KAZN: variants seen among roughly 807,000 people sequenced by gnomAD.
The protein encoded by KAZN is kazrin, periplakin interacting protein, also known as kazrin.
KAZN carries 40 observed loss-of-function variants against 87.4 expected under a neutral mutation model. The observed-to-expected ratio is 0.46, with a 90% CI of 0.36 to 0.60. The LOEUF (loss-of-function observed/expected upper bound fraction) is 0.60. KAZN is among the 20% of genes least tolerant of loss of function. The pLI, the probability that KAZN is intolerant of heterozygous loss-of-function variation, is 0.00. For synonymous variants in KAZN, 466 were observed against 458.3 expected (o/e 1.02, Z -0.22); for missense variants, 898 against 1,073.9 (o/e 0.84, Z 2.29).
chr1:14,538,210 A>G (rs1409769722), intron 2 of KAZN, among the ~76,000 whole-genome samples: 1 of 152,212 alleles, frequency 6.6e-6, no homozygotes, highest in African/African-American at 2.4e-5. Context: ...TATATTAGAC[A>G]AATTACTTTT....
intron 2 of KAZN, among the ~76,000 whole-genome samples, chr1:14,419,923 A>G (rs543833025): frequency 2.6e-5 from 4 of 152,128 alleles, no homozygotes; most frequent in Admixed American, 2.0e-4. Context: ...TATTGCAAAG[A>G]GCGAAAGAAC....
At chr1:14,484,917 C>T (rs1418285070) in intron 2 of KAZN, among the ~76,000 whole-genome samples, 1 of 152,198 alleles carries the variant, frequency 6.6e-6, no homozygotes, top group African/African-American at 2.4e-5. Flanking sequence ...CATGTCTGCT[C>T]TCATAGCCTC....
chr1:14,578,099 G>A (rs982128699), intron 2 of KAZN, among the ~76,000 whole-genome samples: 4 of 152,038 alleles, frequency 2.6e-5, no homozygotes, highest in Admixed American at 6.5e-5. Context: ...GAGCTCCTTC[G>A]GATTGGACGC....
rs948619488 is a variant in KAZN, at chr1:14,599,667, G to A, written c.226+444G>A. Among the ~76,000 whole-genome samples, 3 of 152,210 alleles carry A rather than the reference G, an allele frequency of 2.0e-5. No individual in the cohort carries two copies. Among genetic ancestry groups the A allele is most frequent in the Non-Finnish European group, 2.9e-5 (2 of 68,038 alleles). On this transcript the variant is annotated intron_variant, in intron 1 of 14. Coordinates refer to ENST00000376030, the MANE Select transcript of KAZN (RefSeq NM_201628.3). The surrounding 1 kb of genome is among the most constrained non-coding windows in gnomAD (Gnocchi z 4.4). The stretch of plus-strand genomic sequence containing the variant: ...CTCTGCCGCCGTGGTTGGGATAGAG[G>A]ATTGCACTGCTGTGCACTTTTCTCC...
chr1:14,399,513 G>A (rs1301446268), intron 2 of KAZN, among the ~76,000 whole-genome samples: 1 of 152,006 alleles, frequency 6.6e-6, no homozygotes, highest in Non-Finnish European at 1.5e-5. Context: ...GACTCTCTCA[G>A]TAACAGGCAA....
At chr1:14,574,832 G>A (rs1345654859) in intron 2 of KAZN, among the ~76,000 whole-genome samples, 2 of 152,170 alleles carry the variant, frequency 1.3e-5, no homozygotes, top group Non-Finnish European at 2.9e-5. Flanking sequence ...CATAGAGGAA[G>A]TGTGGTGGTG....
At chr1:14,534,019 G>C (rs1268889333) in intron 2 of KAZN, among the ~76,000 whole-genome samples, 2 of 152,092 alleles carry the variant, frequency 1.3e-5, no homozygotes, top group East Asian at 3.8e-4. Flanking sequence ...ATTTCTTTAT[G>C]AGTTTTCCTT....
Position 14,371,009 on chromosome 1 carries a change from A to G in KAZN, c.249+190417A>G, listed in dbSNP as rs186629177. Among the ~76,000 whole-genome samples the G allele has an allele frequency of 1.7e-3, 252 of 152,300 alleles. 3 individuals carry two copies. The Middle Eastern group carries it at 0.017, about 10-fold the overall frequency. On this transcript the variant is annotated intron_variant, in intron 2 of 16. Coordinates refer to the KAZN transcript ENST00000636203. ...CCCCAGCTCGTATCTTCTATAAGAC[A>G]TAATGGACACTATTGAACCAGGGGT... is the stretch of plus-strand genomic sequence containing the variant.
chr1:14,818,284 G>A (rs1646632742), intron 1 of KAZN, among the ~76,000 whole-genome samples: 1 of 152,206 alleles, frequency 6.6e-6, no homozygotes, highest in South Asian at 2.1e-4. Context: ...TGTATTGCGA[G>A]TGTATATCCA....
intron 1 of KAZN, among the ~76,000 whole-genome samples, chr1:14,037,580 C>T (rs72859440): frequency 0.048 from 7,335 of 152,228 alleles, 567 homozygotes; most frequent in African/African-American, 0.17. Flanking sequence ...GTGTGGCTTG[C>T]GGGGAGAAAG....
intron 1 of KAZN, among the ~76,000 whole-genome samples, chr1:14,644,332 G>A (rs1008859148): frequency 6.7e-6 from 1 of 149,738 alleles, no homozygotes; most frequent in African/African-American, 2.5e-5. Context: ...TAATAGAATT[G>A]TCTGTTTTTC....
At chr1:14,038,039 C>T (rs1641635540) in intron 1 of KAZN, among the ~76,000 whole-genome samples, 1 of 152,174 alleles carries the variant, frequency 6.6e-6, no homozygotes, top group African/African-American at 2.4e-5. Context: ...ATCTGTCCAC[C>T]CATCTATTCA....
chr1:14,065,477 T>C (rs1181687432), intron 1 of KAZN, among the ~76,000 whole-genome samples: 1 of 152,076 alleles, frequency 6.6e-6, no homozygotes, highest in East Asian at 1.9e-4. Flanking sequence ...ATAATTTGAA[T>C]CTTTTGTTTT....
At chr1:14,630,937 T>C (rs1296945251) in intron 1 of KAZN, among the ~76,000 whole-genome samples, 1 of 152,154 alleles carries the variant, frequency 6.6e-6, no homozygotes, top group Non-Finnish European at 1.5e-5. Context: ...ACAATAAAAG[T>C]AAAAATCAAT....
intron 1 of KAZN, among the ~76,000 whole-genome samples, chr1:14,873,294 A>T (rs1441149680): frequency 6.6e-6 from 1 of 152,262 alleles, no homozygotes; most frequent in Non-Finnish European, 1.5e-5. Flanking sequence ...GAAAGACTGT[A>T]TTCTAAAGGG....
At chr1:14,530,070 C>T (rs1324304695) in intron 2 of KAZN, among the ~76,000 whole-genome samples, 1 of 152,158 alleles carries the variant, frequency 6.6e-6, no homozygotes, top group Non-Finnish European at 1.5e-5. Flanking sequence ...TCTGGAGCAC[C>T]TAATACTGGA....
At chr1:15,033,852 C>T (rs1573122635) in intron 2 of KAZN, among the ~76,000 whole-genome samples, 3 of 152,210 alleles carry the variant, frequency 2.0e-5, no homozygotes, top group Admixed American at 2.0e-4. Context: ...AGTTCTCCTG[C>T]CTCAGCCTCC....
chr1:14,803,567 C>G (rs1223601779), intron 1 of KAZN, among the ~76,000 whole-genome samples: 4 of 152,232 alleles, frequency 2.6e-5, no homozygotes, highest in Non-Finnish European at 5.9e-5. Context: ...GCCCTGAGTG[C>G]CCGTGGCTCT....
At chr1:13,896,489 G>A (rs1292187078) in intron 1 of KAZN, among the ~76,000 whole-genome samples, 3 of 151,994 alleles carry the variant, frequency 2.0e-5, no homozygotes, top group East Asian at 3.9e-4. Context: ...ATGAAGTCTC[G>A]TTATGTTGCC....
Sources: gnomAD v4.1 joint callset for allele counts (sites outside exome capture counted in the v4.1 genomes callset) on GRCh38, gnomAD v4.1.1 for gene constraint, Gnocchi (gnomAD v3.1) non-coding constraint, MANE v1.5 for transcripts, NCBI Gene and HGNC (gene_info 2026-07-23, HGNC 2026-07-21) for gene names.